The following RNF2 variants were observed in gnomAD, a reference collection of about 807,000 sequenced individuals.
RNF2 encodes ring finger protein 2.
A neutral mutation model predicts 37.2 loss-of-function variants in RNF2; 6 were observed. That is an observed-to-expected ratio of 0.16 (90% CI 0.09 to 0.32). The LOEUF is 0.32. Ranked by LOEUF, RNF2 falls within the 10% of genes least tolerant of loss-of-function variation. The pLI is 1.00. For synonymous variants in RNF2, 133 were observed against 132.7 expected, an observed-to-expected ratio of 1.00 and a Z score of -0.02; for missense variants, 251 against 404.0, an observed-to-expected ratio of 0.62 and a Z score of 3.25.
intron 1 of RNF2, among the ~76,000 whole-genome samples, chr1:185,064,038 A>G (rs1380390749): frequency 6.6e-6 from 1 of 152,174 alleles, no homozygotes; most frequent in Non-Finnish European, 1.5e-5. Context: ...AACATGCACA[A>G]ATTCTGGGGA....
intron 1 of RNF2, among the ~76,000 whole-genome samples, chr1:185,062,821 A>C (rs554918562): frequency 3.6e-4 from 53 of 147,522 alleles, no homozygotes; most frequent in South Asian, 1.7e-3. Context: ...CCCCCCCCCC[A>C]AAAAAAGGCC....
chr1:185,090,822 A>G (rs1651746316), intron 2 of RNF2, among the ~76,000 whole-genome samples: 1 of 152,224 alleles, frequency 6.6e-6, no homozygotes, highest in African/African-American at 2.4e-5. Flanking sequence ...GGATTCACTA[A>G]TCATTCTGCA....
At chr1:185,050,181 C>G (rs1203165166) in intron 1 of RNF2, among the ~76,000 whole-genome samples, 3 of 152,188 alleles carry the variant, frequency 2.0e-5, no homozygotes, top group African/African-American at 7.2e-5. Context: ...GTATGCCAGA[C>G]CCTGTGCAAG....
chr1:185,095,463 A>G (rs1156630983), intron 4 of RNF2, among the ~76,000 whole-genome samples: 1 of 152,036 alleles, frequency 6.6e-6, no homozygotes, highest in Non-Finnish European at 1.5e-5. Context: ...TTAAGTTCTC[A>G]TCTTCCATTC....
At chr1:185,054,240 ATCATTCATTC>A (rs1419015242) in intron 1 of RNF2, among the ~76,000 whole-genome samples, 2 of 152,214 alleles carry the variant, frequency 1.3e-5, no homozygotes, top group East Asian at 3.8e-4. Flanking sequence ...ACTGGACATT[ATCATTCATTC>A]TTTTTGCTAA....
At chr1:185,056,613 C>T (rs2102155989) in intron 1 of RNF2, among the ~76,000 whole-genome samples, 1 of 152,254 alleles carries the variant, frequency 6.6e-6, no homozygotes, top group South Asian at 2.1e-4. Context: ...TCAAGTGATC[C>T]TCCCTCCTTG....
intron 1 of RNF2, among the ~76,000 whole-genome samples, chr1:185,064,005 A>G (rs1571300989): frequency 6.6e-6 from 1 of 152,210 alleles, no homozygotes; most frequent in Non-Finnish European, 1.5e-5. Flanking sequence ...GTATTGGCAA[A>G]GTCCATTTTG....
chr1:185,047,786 T>TA (rs1351612097), intron 1 of RNF2, among the ~76,000 whole-genome samples: 1 of 152,152 alleles, frequency 6.6e-6, no homozygotes, highest in Admixed American at 6.5e-5. Flanking sequence ...AAAAGAAAAA[T>TA]AAGAGATTAT....
intron 1 of RNF2, among the ~76,000 whole-genome samples, chr1:185,052,763 G>C (rs1650308150): frequency 6.6e-6 from 1 of 152,102 alleles, no homozygotes; most frequent in African/African-American, 2.4e-5. Context: ...TGAGGCATAG[G>C]CTCCTTGAAT....
At chr1:185,097,889 G>C (rs1220158518) in intron 4 of RNF2, among the ~76,000 whole-genome samples, 183 bp from the exon 5 acceptor site, 1 of 152,224 alleles carries the variant, frequency 6.6e-6, no homozygotes, top group Non-Finnish European at 1.5e-5. Context: ...ATGTTTGCCT[G>C]TGAGCAAGAG....
intron 1 of RNF2, among the ~76,000 whole-genome samples, chr1:185,078,195 C>T (rs1217408493): frequency 2.0e-5 from 3 of 151,986 alleles, no homozygotes; most frequent in African/African-American, 4.8e-5. Flanking sequence ...TGCAGTGAGC[C>T]GAAATCTTGT....
At chr1:185,065,526 A>C (rs1650774374) in intron 1 of RNF2, among the ~76,000 whole-genome samples, 1 of 152,150 alleles carries the variant, frequency 6.6e-6, no homozygotes, top group Non-Finnish European at 1.5e-5. Context: ...TTCATTCCTG[A>C]AGTCAGCCAG....
chr1:185,048,911 C>A (rs986763963), intron 1 of RNF2, among the ~76,000 whole-genome samples: 1 of 152,030 alleles, frequency 6.6e-6, no homozygotes, highest in Non-Finnish European at 1.5e-5. Flanking sequence ...CATTTAGGGA[C>A]CTTGCATTTG....
chr1:185,066,825 G>C (rs1233266445), intron 1 of RNF2, among the ~76,000 whole-genome samples: 1 of 152,182 alleles, frequency 6.6e-6, no homozygotes, highest in African/African-American at 2.4e-5. Context: ...TATGTCTGTG[G>C]TGGGGGCAGG....
chr1:185,063,414 G>A (rs945846007), intron 1 of RNF2, among the ~76,000 whole-genome samples: 6 of 152,120 alleles, frequency 3.9e-5, no homozygotes, highest in African/African-American at 1.2e-4. Flanking sequence ...CCAGATTTGA[G>A]AACTACTTCT....
At chr1:185,081,113 A>G (rs906252729) in intron 1 of RNF2, among the ~76,000 whole-genome samples, 1 of 152,230 alleles carries the variant, frequency 6.6e-6, no homozygotes, top group Non-Finnish European at 1.5e-5. Flanking sequence ...TGTGAATTTT[A>G]AATAATCAAA....
chr1:185,049,154 A>T (rs1650201312), intron 1 of RNF2, among the ~76,000 whole-genome samples: 1 of 152,038 alleles, frequency 6.6e-6, no homozygotes, highest in East Asian at 1.9e-4. Context: ...TGAACCCAGG[A>T]GGTGGAGGTT....
chr1:185,047,617 G>C (rs1650155963), intron 1 of RNF2, among the ~76,000 whole-genome samples: 1 of 152,156 alleles, frequency 6.6e-6, no homozygotes, highest in Non-Finnish European at 1.5e-5. Context: ...CATTAGCAAA[G>C]AAGCATAATT....
intron 2 of RNF2, among the ~76,000 whole-genome samples, chr1:185,089,782 C>T (rs987996073): frequency 6.6e-6 from 1 of 152,042 alleles, no homozygotes; most frequent in Non-Finnish European, 1.5e-5. Flanking sequence ...GTAATCCCAG[C>T]ACTTTGGAAG....
Sources: gnomAD v4.1 joint callset for allele counts (sites outside exome capture counted in the v4.1 genomes callset) on GRCh38, gnomAD v4.1.1 for gene constraint, MANE v1.5 for transcripts, NCBI Gene and HGNC (gene_info 2026-07-23, HGNC 2026-07-21) for gene names.